SGCZ: variants seen among roughly 807,000 people sequenced by gnomAD.
SGCZ encodes the protein sarcoglycan zeta.
A neutral mutation model predicts 41.3 loss-of-function variants in SGCZ; 40 were observed. The ratio of observed to expected loss-of-function variants is 0.97; its 90% CI spans 0.75 to 1.26. The LOEUF is 1.26. SGCZ is among the 50% of genes most tolerant of loss of function. SGCZ has a pLI of 0.00. For synonymous variants in SGCZ, 206 were observed against 137.5 expected, an observed-to-expected ratio of 1.50 and a Z score of -3.49; for missense variants, 552 against 369.8, an observed-to-expected ratio of 1.49 and a Z score of -4.04.
At chr8:14,952,797 T>C (rs991470497) in intron 1 of SGCZ, among the ~76,000 whole-genome samples, 26 of 152,188 alleles carry the variant, frequency 1.7e-4, no homozygotes, top group African/African-American at 6.0e-4. Flanking sequence ...ACAGAGCTTT[T>C]AGTAGACTGA....
chr8:14,859,390 G>A (rs1803646408), intron 1 of SGCZ, among the ~76,000 whole-genome samples: 1 of 151,602 alleles, frequency 6.6e-6, no homozygotes, highest in South Asian at 2.1e-4. Context: ...TCATTGAAGT[G>A]TCATAAAGAT....
intron 1 of SGCZ, among the ~76,000 whole-genome samples, chr8:14,707,594 T>C (rs775856136): frequency 7.2e-5 from 11 of 152,162 alleles, no homozygotes; most frequent in Non-Finnish European, 1.3e-4. Flanking sequence ...TTGGTTTTTA[T>C]CTTCAGAATG....
At chr8:14,809,852 G>A (rs1418415258) in intron 1 of SGCZ, among the ~76,000 whole-genome samples, 3 of 151,982 alleles carry the variant, frequency 2.0e-5, no homozygotes, top group African/African-American at 7.2e-5. Flanking sequence ...GTTTAAGAAC[G>A]CAAGCCATAA....
chr8:15,025,039 T>C (rs574482596), intron 1 of SGCZ, among the ~76,000 whole-genome samples: 1 of 152,058 alleles, frequency 6.6e-6, no homozygotes, highest in East Asian at 1.9e-4. Context: ...AGTTTGGAAC[T>C]AGACAGTAAC....
At chr8:14,512,799 T>G (rs1802505094) in intron 2 of SGCZ, among the ~76,000 whole-genome samples, 3 of 151,964 alleles carry the variant, frequency 2.0e-5, no homozygotes, top group Admixed American at 6.6e-5. Context: ...AGTTTTAGAA[T>G]TTAAGAACCT....
intron 3 of SGCZ, among the ~76,000 whole-genome samples, chr8:14,280,387 T>C (rs1800380754): frequency 6.6e-6 from 1 of 151,992 alleles, no homozygotes; most frequent in East Asian, 1.9e-4. Context: ...AACCTCAAGG[T>C]AGGCTTTTAT....
intron 1 of SGCZ, among the ~76,000 whole-genome samples, chr8:14,865,526 C>T (rs143731502): frequency 4.6e-5 from 7 of 152,150 alleles, no homozygotes; most frequent in East Asian, 1.9e-4. Context: ...CTGAAGGAAG[C>T]GTGGGGTATC....
chr8:14,621,349 A>T (rs1019929821), intron 1 of SGCZ, among the ~76,000 whole-genome samples: 1 of 151,542 alleles, frequency 6.6e-6, no homozygotes. Flanking sequence ...TGACAAGTTA[A>T]CGGGTGCAGC....
At chr8:14,448,389 T>C (rs947091624) in intron 2 of SGCZ, among the ~76,000 whole-genome samples, 2 of 152,196 alleles carry the variant, frequency 1.3e-5, no homozygotes, top group African/African-American at 4.8e-5. Flanking sequence ...ACTGTTACAG[T>C]GGGCCTCATG....
chr8:14,903,745 C>T (rs1472161762), intron 1 of SGCZ, among the ~76,000 whole-genome samples: 3 of 151,878 alleles, frequency 2.0e-5, no homozygotes, highest in African/African-American at 7.3e-5. Context: ...AGTCAGAGTA[C>T]ATTATATACT....
At chr8:14,092,507 A>G (rs1423744679) in intron 7 of SGCZ, among the ~76,000 whole-genome samples, 2 of 151,928 alleles carry the variant, frequency 1.3e-5, no homozygotes, top group Admixed American at 6.6e-5. Flanking sequence ...CTGTGTCCCC[A>G]CCCAAACCTC....
At chr8:14,222,231 C>T (rs984947310) in intron 4 of SGCZ, among the ~76,000 whole-genome samples, 6 of 151,724 alleles carry the variant, frequency 4.0e-5, no homozygotes, top group South Asian at 4.2e-4. Context: ...AGTGCAGTGG[C>T]GCAATCTCCA....
intron 3 of SGCZ, among the ~76,000 whole-genome samples, chr8:14,257,706 C>G (rs928300228): frequency 3.4e-5 from 5 of 147,828 alleles, no homozygotes; most frequent in Admixed American, 6.9e-5. Flanking sequence ...TGGTTGAATT[C>G]CCACCTATGA....
intron 2 of SGCZ, among the ~76,000 whole-genome samples, chr8:14,462,295 A>G (rs985484999): frequency 6.6e-6 from 1 of 152,028 alleles, no homozygotes; most frequent in Non-Finnish European, 1.5e-5. Flanking sequence ...AATGGAACAC[A>G]CAGGTATTTA....
chr8:14,400,442 T>A (rs1021028554), intron 2 of SGCZ, among the ~76,000 whole-genome samples: 7 of 152,120 alleles, frequency 4.6e-5, no homozygotes, highest in African/African-American at 1.7e-4. Context: ...AATACATATA[T>A]AAGCATGTAT....
At chr8:14,194,239 T>A (rs967197026) in intron 4 of SGCZ, among the ~76,000 whole-genome samples, 2 of 151,858 alleles carry the variant, frequency 1.3e-5, no homozygotes, top group African/African-American at 4.8e-5. Flanking sequence ...AGCAAGAAAA[T>A]GATTATGCTG....
At chr8:14,438,997 T>C (rs1248206651) in intron 2 of SGCZ, among the ~76,000 whole-genome samples, 1 of 152,016 alleles carries the variant, frequency 6.6e-6, no homozygotes. Flanking sequence ...GAGATGATTA[T>C]AATGCAGGAT....
At chr8:14,150,712 T>C (rs1437729844) in intron 5 of SGCZ, among the ~76,000 whole-genome samples, 1 of 152,160 alleles carries the variant, frequency 6.6e-6, no homozygotes, top group Non-Finnish European at 1.5e-5. Flanking sequence ...ATCAAAGAGA[T>C]ATCTACATGC....
intron 1 of SGCZ, among the ~76,000 whole-genome samples, chr8:15,058,011 A>G (rs1804778747): frequency 6.6e-6 from 1 of 152,192 alleles, no homozygotes; most frequent in Non-Finnish European, 1.5e-5. Context: ...TCAACAACAC[A>G]GATTCAAGGA....
Sources: gnomAD v4.1 joint callset for allele counts (sites outside exome capture counted in the v4.1 genomes callset) on GRCh38, gnomAD v4.1.1 for gene constraint, MANE v1.5 for transcripts, NCBI Gene and HGNC (gene_info 2026-07-23, HGNC 2026-07-21) for gene names.